Variants in MAGI2 observed in about 807,000 individuals in gnomAD.
MAGI2 encodes membrane associated guanylate kinase, WW and PDZ domain containing 2.
MAGI2 carries 35 observed loss-of-function variants against 133.3 expected under a neutral mutation model. That is an observed-to-expected ratio of 0.26 (90% CI 0.20 to 0.35). MAGI2 has a LOEUF of 0.35. MAGI2 is among the 10% of genes least tolerant of loss of function. The pLI is 1.00. For missense variants in MAGI2, 1,636 were observed against 1,863.4 expected (o/e 0.88, Z 2.25); for synonymous variants, 729 against 710.6 (o/e 1.03, Z -0.41).
chr7:78,377,098 T>A (rs117027694), intron 6 of MAGI2, among the ~76,000 whole-genome samples: 1,543 of 152,270 alleles, frequency 0.01, 12 homozygotes, highest in Middle Eastern at 0.038. Flanking sequence ...TCCTGGACTC[T>A]ATTATAGTGT....
At chr7:78,838,532 G>A (rs1320325420) in intron 2 of MAGI2, among the ~76,000 whole-genome samples, 1 of 151,514 alleles carries the variant, frequency 6.6e-6, no homozygotes, top group East Asian at 1.9e-4. Flanking sequence ...GTGTGTGTGT[G>A]TGTGTCAGAT....
At chr7:78,063,216 G>A (rs971740103) in intron 21 of MAGI2, among the ~76,000 whole-genome samples, 2 of 145,626 alleles carry the variant, frequency 1.4e-5, no homozygotes, top group Non-Finnish European at 3.0e-5. Context: ...AGATTCCTTC[G>A]CTTGGGATAG....
At chr7:78,430,240 CTTTTTTT>C (rs545809101) in intron 6 of MAGI2, among the ~76,000 whole-genome samples, 14 of 76,646 alleles carry the variant, frequency 1.8e-4, no homozygotes, top group Admixed American at 6.3e-4. Flanking sequence ...CTGGAAAAGC[CTTTTTTT>C]TTTTTTTTTT....
intron 3 of MAGI2, among the ~76,000 whole-genome samples, chr7:78,573,271 T>TG (rs1801825599): frequency 4.5e-5 from 1 of 22,114 alleles, no homozygotes; most frequent in Non-Finnish European, 7.6e-5. Flanking sequence ...TAAATATATA[T>TG]AAATATATAT....
chr7:79,198,724 T>C (rs1308968688), intron 1 of MAGI2, among the ~76,000 whole-genome samples: 1 of 151,470 alleles, frequency 6.6e-6, no homozygotes, highest in African/African-American at 2.4e-5. Context: ...CTGTCTCTAC[T>C]GAAAATAAAA....
intron 3 of MAGI2, among the ~76,000 whole-genome samples, chr7:78,543,061 G>C (rs989982637): frequency 1.3e-5 from 2 of 152,164 alleles, no homozygotes; most frequent in African/African-American, 4.8e-5. Context: ...CATGATTGCA[G>C]ATTAAAACCA....
intron 1 of MAGI2, among the ~76,000 whole-genome samples, chr7:79,030,012 C>T (rs117440322): frequency 0.011 from 1,738 of 152,236 alleles, 14 homozygotes; most frequent in Non-Finnish European, 0.018. Flanking sequence ...CATTAGCCTC[C>T]GCATTCAACG....
intron 1 of MAGI2, among the ~76,000 whole-genome samples, chr7:79,130,514 C>G (rs1014109590): frequency 6.6e-6 from 1 of 152,166 alleles, no homozygotes; most frequent in South Asian, 2.1e-4. Flanking sequence ...GAAGCACCCA[C>G]GCATTCACAT....
At chr7:78,365,344 G>A (rs563795350) in intron 7 of MAGI2, among the ~76,000 whole-genome samples, 4 of 152,236 alleles carry the variant, frequency 2.6e-5, no homozygotes, top group Non-Finnish European at 4.4e-5. Context: ...CTTCTCCAGG[G>A]ATGGGTCCCA....
chr7:79,230,518 T>C (rs1022524914), intron 1 of MAGI2, among the ~76,000 whole-genome samples: 2 of 151,906 alleles, frequency 1.3e-5, no homozygotes, highest in Non-Finnish European at 2.9e-5. Context: ...ATTGTGGTTT[T>C]GATTTGCATT....
At chr7:78,523,077 G>A (rs745525092) in intron 3 of MAGI2, among the ~76,000 whole-genome samples, 4 of 152,146 alleles carry the variant, frequency 2.6e-5, no homozygotes, top group Admixed American at 1.3e-4. Context: ...TGTCTGCAAA[G>A]GTCACTAAAC....
chr7:79,367,858 C>CACACACACACACACACACACAT lies in MAGI2; in HGVS notation c.301+85161_301+85162insATGTGTGTGTGTGTGTGTGTGT. Among the ~76,000 whole-genome samples, 7 of 87,104 alleles carry CACACACACACACACACACACAT rather than the reference C, an allele frequency of 8.0e-5. 1 individual carries two copies. Among genetic ancestry groups the CACACACACACACACACACACAT allele is most frequent in the African/African-American group, 3.3e-4 (7 of 21,510 alleles). 57.1% of individuals were successfully genotyped at this position (87,104 alleles called of 152,430 possible). A position where few individuals can be genotyped will look rare whatever the true frequency, so the allele number is the denominator to read the frequency against. ...CATATATATATGCTTATATATGTGA[C>CACACACACACACACACACACAT]ATATATATATATATATATGTCATTG... is the stretch of plus-strand genomic sequence containing the variant. On this transcript the variant is annotated intron_variant, in intron 1 of 21. Coordinates refer to ENST00000354212, the MANE Select transcript of MAGI2 (RefSeq NM_012301.4).
chr7:78,567,557 C>T (rs1300007666), intron 3 of MAGI2, among the ~76,000 whole-genome samples: 1 of 152,094 alleles, frequency 6.6e-6, no homozygotes, highest in Non-Finnish European at 1.5e-5. Flanking sequence ...GAAAACCAAT[C>T]CTTTAATTAG....
chr7:78,688,416 GT>G (rs538119580), intron 2 of MAGI2, among the ~76,000 whole-genome samples: 1 of 152,084 alleles, frequency 6.6e-6, no homozygotes, highest in Non-Finnish European at 1.5e-5. Context: ...AATATGTTTA[GT>G]TCTGGCAGGC....
chr7:78,189,901 C>A (rs1828046219), intron 12 of MAGI2, among the ~76,000 whole-genome samples: 1 of 152,186 alleles, frequency 6.6e-6, no homozygotes. Flanking sequence ...ATGATCAAGA[C>A]TGAATTTCAT....
At chr7:79,391,626 C>T (rs1219917964) in intron 1 of MAGI2, among the ~76,000 whole-genome samples, 5 of 148,004 alleles carry the variant, frequency 3.4e-5, no homozygotes, top group Non-Finnish European at 7.4e-5. Context: ...CATAGGTATA[C>T]GTGTGCTATA....
intron 2 of MAGI2, among the ~76,000 whole-genome samples, chr7:78,714,979 T>A (rs941412918): frequency 2.0e-5 from 3 of 152,228 alleles, no homozygotes; most frequent in Non-Finnish European, 4.4e-5. Flanking sequence ...TTAGGCCTTA[T>A]AAACATTCCC....
At chr7:78,806,452 G>C (rs1356650349) in intron 2 of MAGI2, among the ~76,000 whole-genome samples, 1 of 152,088 alleles carries the variant, frequency 6.6e-6, no homozygotes, top group Non-Finnish European at 1.5e-5. Context: ...ATCCTGCCAA[G>C]AGTTAGAGCA....
At chr7:78,736,500 G>T (rs368919615) in intron 2 of MAGI2, among the ~76,000 whole-genome samples, 11 of 152,198 alleles carry the variant, frequency 7.2e-5, no homozygotes, top group African/African-American at 2.6e-4. Flanking sequence ...CATTAGTGAG[G>T]CAACAATCTT....
Sources: allele counts gnomAD v4.1 joint callset (sites outside exome capture counted in the v4.1 genomes callset), GRCh38; gene constraint gnomAD v4.1.1; transcripts MANE v1.5; gene names NCBI Gene and HGNC (gene_info 2026-07-23, HGNC 2026-07-21).